The following SEPTIN10 variants were observed in gnomAD, a reference collection of about 807,000 sequenced individuals.
SEPTIN10 encodes septin 10.
A neutral mutation model predicts 54.8 loss-of-function variants in SEPTIN10; 66 were observed. The ratio of observed to expected loss-of-function variants is 1.21; its 90% CI spans 0.99 to 1.48. The LOEUF is 1.48. Ranked by LOEUF, SEPTIN10 falls within the 40% of genes most tolerant of loss-of-function variation. The pLI is 0.00. For missense variants in SEPTIN10, 620 were observed against 545.6 expected, an observed-to-expected ratio of 1.14 and a Z score of -1.36; for synonymous variants, 161 against 181.0, an observed-to-expected ratio of 0.89 and a Z score of 0.89.
At chr2:109,569,714 C>T (rs1352508107) in intron 5 of SEPTIN10, among the ~76,000 whole-genome samples, 2 of 152,028 alleles carry the variant, frequency 1.3e-5, no homozygotes, top group African/African-American at 4.8e-5. Context: ...CAAATTATGC[C>T]AAGTTAATAA....
At chr2:109,568,415 A>AG (rs1423680327) in intron 5 of SEPTIN10, among the ~76,000 whole-genome samples, 4 of 131,758 alleles carry the variant, frequency 3.0e-5, no homozygotes, top group African/African-American at 1.2e-4. Flanking sequence ...GCTGTAACCC[A>AG]GGCTGGAGTG....
chr2:109,556,429 T>C (rs1438297102), intron 8 of SEPTIN10, among the ~76,000 whole-genome samples: 1 of 152,190 alleles, frequency 6.6e-6, no homozygotes, highest in Admixed American at 6.5e-5. Context: ...ATTCTGTAAG[T>C]TCAAAGAAAC....
At chr2:109,578,047 A>T (rs1160120758) in intron 4 of SEPTIN10, among the ~76,000 whole-genome samples, 5 of 152,124 alleles carry the variant, frequency 3.3e-5, no homozygotes, top group Non-Finnish European at 7.3e-5. Flanking sequence ...ACTCATCTTC[A>T]ACTTTAAGTG....
chr2:109,588,850 T>TA (rs59135205), intron 2 of SEPTIN10, among the ~76,000 whole-genome samples: 20,780 of 111,282 alleles, frequency 0.19, 2,537 homozygotes, highest in African/African-American at 0.39. Context: ...CAATTACTAT[T>TA]AAAAAAAAAA....
chr2:109,610,380 G>A (rs1698988421), intron 1 of SEPTIN10, among the ~76,000 whole-genome samples: 1 of 151,444 alleles, frequency 6.6e-6, no homozygotes, highest in Non-Finnish European at 1.5e-5. Flanking sequence ...GAGCCACTGC[G>A]CCCAGCCACT....
chr2:109,566,033 A>G (rs573399021), intron 6 of SEPTIN10, among the ~76,000 whole-genome samples, 174 bp from the exon 7 acceptor site: 5 of 152,214 alleles, frequency 3.3e-5, no homozygotes, highest in Non-Finnish European at 7.3e-5. Context: ...CTGTTCTACA[A>G]GAGTCATCTT....
intron 4 of SEPTIN10, among the ~76,000 whole-genome samples, chr2:109,579,877 T>C (rs1690676463): frequency 6.6e-6 from 1 of 151,752 alleles, no homozygotes; most frequent in South Asian, 2.1e-4. Flanking sequence ...TCCCAGCACT[T>C]TGGGAAGCTA....
intron 4 of SEPTIN10, among the ~76,000 whole-genome samples, chr2:109,578,925 G>A (rs542739427): frequency 6.6e-6 from 1 of 152,160 alleles, no homozygotes; most frequent in East Asian, 1.9e-4. Flanking sequence ...AAGTACAGAC[G>A]TAAGAGCAGA....
intron 1 of SEPTIN10, chr2:109,613,101 T>G (rs1699622192): frequency 9.7e-7 from 1 of 1,031,028 alleles, no homozygotes; most frequent in African/African-American, 1.6e-5. Context: ...GGCGGTGAGA[T>G]CACTCCATAC....
At chr2:109,585,343 C>T (rs1220157711) in intron 3 of SEPTIN10, 22 bp from the exon 4 acceptor site, 25 of 1,553,264 alleles carry the variant, frequency 1.6e-5, no homozygotes, top group Non-Finnish European at 2.1e-5. Flanking sequence ...AAAGGTACAT[C>T]TTTATGGTTG....
chr2:109,558,826 GCCAA>G (rs776728262), intron 8 of SEPTIN10, among the ~76,000 whole-genome samples: 8 of 152,102 alleles, frequency 5.3e-5, no homozygotes, highest in Non-Finnish European at 8.8e-5. Flanking sequence ...GATTTTACAT[GCCAA>G]CCAAATTACA....
intron 2 of SEPTIN10, among the ~76,000 whole-genome samples, chr2:109,587,695 C>T (rs1454535807): frequency 6.6e-6 from 1 of 152,070 alleles, no homozygotes; most frequent in East Asian, 1.9e-4. Context: ...GGGTGGATAA[C>T]AAGGTCAGGA....
At chr2:109,570,442 T>A (rs1263647940) in intron 5 of SEPTIN10, among the ~76,000 whole-genome samples, 1 of 152,204 alleles carries the variant, frequency 6.6e-6, no homozygotes, top group Non-Finnish European at 1.5e-5. Context: ...GGAAAAATTT[T>A]TTTAATGACA....
chr2:109,570,815 C>T (rs1033999844), intron 5 of SEPTIN10, among the ~76,000 whole-genome samples: 1 of 152,138 alleles, frequency 6.6e-6, no homozygotes, highest in Non-Finnish European at 1.5e-5. Context: ...GGCCACCACA[C>T]CCGGCCTGTA....
intron 2 of SEPTIN10, among the ~76,000 whole-genome samples, chr2:109,590,891 C>G (rs1027626013): frequency 6.6e-5 from 10 of 152,140 alleles, no homozygotes; most frequent in African/African-American, 1.2e-4. Context: ...CTGCCAACAA[C>G]CAGAAAGAGT....
intron 9 of SEPTIN10, 129 bp downstream of exon 9, chr2:109,552,958 T>C (rs1230642263): frequency 9.6e-7 from 1 of 1,037,536 alleles, no homozygotes; most frequent in East Asian, 2.4e-5. Context: ...ATACTATGTG[T>C]TGGAAAAGCT....
At chr2:109,582,041 G>C (rs1691266677) in intron 4 of SEPTIN10, among the ~76,000 whole-genome samples, 2 of 151,580 alleles carry the variant, frequency 1.3e-5, no homozygotes, top group Non-Finnish European at 2.9e-5. Flanking sequence ...GTCAAGCTGA[G>C]AGCCGTATCA....
chr2:109,585,128 CT>C lies in SEPTIN10; in HGVS notation c.410del (p.Glu137GlyfsTer6). 1.3e-6 allele frequency: 2 copies of C among 1,559,676 alleles called. No homozygotes were observed. Among genetic ancestry groups the C allele is most frequent in the South Asian group, 2.5e-5 (2 of 81,434 alleles). On this transcript the variant is annotated frameshift_variant, in exon 4 of 11. Transcript: ENST00000397712. LOFTEE classifies it high-confidence loss of function. ...TATTACAAGAAGAAAACACATACCT[CT>C]CTTCTTTATTTATTTGGTCACCAAA... ...VGFGDQINKEESYQPIVDYID... is the reference protein window; with the variant it reads ...VGFGDQINKEXSYQPIVDYID...
rs1301541104 is a variant in SEPTIN10, at chr2:109,545,827, T to C, written c.1349+223A>G. 5 of 1,430,036 alleles carry C rather than the reference T, an allele frequency of 3.5e-6. No homozygotes were observed. The East Asian group carries it at 1.0e-4, about 29-fold the overall frequency. The allele number at this position is 1,430,036 out of a possible 1,614,324, so 88.6% of individuals were successfully genotyped here. A position where few individuals can be genotyped will look rare whatever the true frequency, so the allele number is the denominator to read the frequency against. ...TTTTTATTTTGTTCATTCATTCATT[T>C]TGGCAAATACTGAACACATAACATG... On this transcript the variant is annotated intron_variant, in intron 10 of 10. Transcript: ENST00000397712.
Sources: allele counts gnomAD v4.1 joint callset (sites outside exome capture counted in the v4.1 genomes callset), GRCh38; gene constraint gnomAD v4.1.1; transcripts MANE v1.5; gene names NCBI Gene and HGNC (gene_info 2026-07-23, HGNC 2026-07-21).